The following MARS1 variants were observed in gnomAD, a reference collection of about 807,000 sequenced individuals.
The protein encoded by MARS1 is methionine--tRNA ligase, cytoplasmic.
MARS1 carries 80 observed loss-of-function variants against 119.5 expected under a neutral mutation model. That is an observed-to-expected ratio of 0.67 (90% confidence interval 0.56 to 0.81). The LOEUF is 0.81. MARS1 is among the 30% of genes least tolerant of loss of function. The probability of loss-of-function intolerance (pLI) is 0.00; values close to 1 mark genes in which losing one functional copy is unlikely to be tolerated. For missense variants in MARS1, 945 were observed against 1,116.5 expected, an observed-to-expected ratio of 0.85 and a Z score of 2.19; for synonymous variants, 418 against 433.4, an observed-to-expected ratio of 0.96 and a Z score of 0.44.
At chr12:57,509,931 AT>A (rs1174290628) in intron 11 of MARS1, among the ~76,000 whole-genome samples, 1 of 152,222 alleles carries the variant, frequency 6.6e-6, no homozygotes, top group Non-Finnish European at 1.5e-5. Context: ...TACAAAAAAA[AT>A]AACCTATTAA....
At chr12:57,494,410 C>T (rs1594815185) in intron 7 of MARS1, among the ~76,000 whole-genome samples, 1 of 148,810 alleles carries the variant, frequency 6.7e-6, no homozygotes, top group South Asian at 2.1e-4. Flanking sequence ...TCACTGCAAC[C>T]TCTGCCTCCC....
At chr12:57,496,319 A>G (rs1240719500) in intron 7 of MARS1, among the ~76,000 whole-genome samples, 1 of 150,556 alleles carries the variant, frequency 6.6e-6, no homozygotes, top group Non-Finnish European at 1.5e-5. Flanking sequence ...ACGCACCACC[A>G]GGCCCGGCTA....
chr12:57,493,481 TAATATATAATATATTATAATATATAATA>T lies in MARS1; in HGVS notation c.770+2838_770+2865del, dbSNP rs1876177215. Among the ~76,000 whole-genome samples the T allele has an allele frequency of 1.4e-3, 13 of 9,316 alleles. 4 individuals carry two copies. The highest frequency in any genetic ancestry group is 4.6e-3 in the African/African-American group (13 of 2,856). The allele number at this position is 9,316 out of a possible 152,430, so 6.1% of individuals were successfully genotyped here. A position where few individuals can be genotyped will look rare whatever the true frequency, so the allele number is the denominator to read the frequency against. On this transcript the variant is annotated intron_variant, in intron 7 of 20. Coordinates refer to ENST00000262027, the MANE Select transcript of MARS1 (RefSeq NM_004990.4). ...ATTATAATATATAATATATAATATATAATATATAATATATTATAATATATAATATATAATATATAATATATTATAATAT... is the reference window on the plus strand; with the variant it reads ...ATTATAATATATAATATATAATATATTATAATATATAATATATTATAATAT...
At chr12:57,512,597 C>G in intron 14 of MARS1, 154 bp from the exon 15 acceptor site, 1 of 673,002 alleles carries the variant, frequency 1.5e-6, no homozygotes, top group Non-Finnish European at 2.6e-6. Flanking sequence ...TAGGAAGGGA[C>G]TCCCAAAATC....
Position 57,514,716 on chromosome 12 carries a change from CAA to C in MARS1, c.1968-3_1968-2del, listed in dbSNP as rs1350473563. 1 of 1,613,958 alleles carries C rather than the reference CAA, an allele frequency of 6.2e-7. No individual in the cohort carries two copies. The highest frequency in any genetic ancestry group is 1.3e-5 in the African/African-American group (1 of 74,928). On this transcript the variant is annotated splice_acceptor_variant and splice_polypyrimidine_tract_variant and intron_variant, in intron 15 of 20. Transcript: ENST00000262027. LOFTEE classifies it high-confidence loss of function. ...CCACTTCTGCTTTCCTACTCCCAAC[CAA>C]GAGCTGGGATGTTTGTGTCTAAGTT...
Position 57,490,374 on chromosome 12 carries a change from C to T in MARS1, c.658C>T (p.Pro220Ser), listed in dbSNP as rs1875839805. 2 of 1,612,296 alleles carry T rather than the reference C, an allele frequency of 1.2e-6. No individual in the cohort carries two copies. The highest frequency in any genetic ancestry group is 2.2e-5 in the South Asian group (2 of 91,000). ...PAEGRAVTNE[P>S]EEEELATLSE... is the part of the protein sequence containing the mutation. ...TGAGGGAAGGGCTGTCACCAATGAG[C>T]CTGAGGTTTGGAATAGGGCAGAGCC... is the stretch of plus-strand genomic sequence containing the variant. Residue 220 changes from proline (P) to serine (S), a missense_variant, in exon 6 of 21, where the codon CCT becomes TCT. Physicochemically the swap from Pro to Ser is moderately conservative, Grantham distance 74. Coordinates refer to ENST00000262027, the MANE Select transcript of MARS1 (RefSeq NM_004990.4).
At chr12:57,490,874 CCTTT>C (rs1875909916) in intron 7 of MARS1, among the ~76,000 whole-genome samples, 2 of 120,994 alleles carry the variant, frequency 1.7e-5, no homozygotes, top group South Asian at 2.5e-4. Context: ...TCTTGTCTAT[CCTTT>C]TTTTTTTTTT....
chr12:57,489,692 T>G, intron 4 of MARS1, 134 bp downstream of exon 4: 1 of 1,310,920 alleles, frequency 7.6e-7, no homozygotes, highest in Non-Finnish European at 1.1e-6. Context: ...ACTTAATCTC[T>G]CTAATCCTCA....
intron 5 of MARS1, 53 bp from the exon 6 acceptor site, chr12:57,490,154 C>G: frequency 6.4e-7 from 1 of 1,571,986 alleles, no homozygotes; most frequent in South Asian, 1.1e-5. Flanking sequence ...GATGCCCGCT[C>G]CTGCCTACCA....
intron 7 of MARS1, among the ~76,000 whole-genome samples, chr12:57,490,918 C>A (rs1429134289): frequency 6.9e-6 from 1 of 145,006 alleles, no homozygotes; most frequent in Non-Finnish European, 1.5e-5. Context: ...CTCTTGTTGC[C>A]CAGGCTGGAG....
rs202096486 is a variant in MARS1 at position 57,498,261 on chromosome 12, A to G, written c.875A>G (p.Asp292Gly). The G allele has an allele frequency of 1.2e-6, 2 of 1,613,888 alleles. No homozygotes were observed. Among genetic ancestry groups the G allele is most frequent in the Admixed American group, 1.7e-5 (1 of 59,992 alleles). The stretch of plus-strand genomic sequence containing the variant: ...ATCATTGGTTGTGTGCTCAGTGCCG[A>G]TGTCTTTGCCAGGTGGAGCCAGCTG... ...GNIIGCVLSADVFARYSRLRQ... is the reference protein window; with the variant it reads ...GNIIGCVLSAGVFARYSRLRQ... Residue 292 changes from aspartate (D) to glycine (G), a missense_variant, in exon 8 of 21, where the codon GAT becomes GGT. By Grantham distance (94) the Asp-to-Gly change is moderately conservative (BLOSUM62 -1). Transcript: ENST00000262027.
Position 57,498,441 on chromosome 12 carries a change from GAAC to G in MARS1, c.911_913del (p.Asn304del). 6.2e-7 allele frequency: 1 copy of G among 1,613,980 alleles called. No individual in the cohort carries two copies. The highest frequency in any genetic ancestry group is 8.5e-7 in the Non-Finnish European group (1 of 1,180,000). On this transcript the variant is annotated inframe_deletion, in exon 9 of 21. Transcript: ENST00000262027. ...GCAGGTACTCTCGCCTCCGCCAGTG[GAAC>G]ACCCTCTATCTGTGTGGGACAGATG...
rs1266838841 is a variant in MARS1 at position 57,514,811 on chromosome 12, C to T, written c.2059C>T (p.Leu687=). 5.0e-6 allele frequency: 8 copies of T among 1,614,220 alleles called. No homozygotes were observed. The highest frequency in any genetic ancestry group is 6.8e-6 in the Non-Finnish European group (8 of 1,180,036). ...DDQRLLAHVT[L]ELQHYHQLLE... Reference sequence around the variant, plus strand: ...TCAGCGCCTGCTGGCCCATGTCACCCTGGAGCTCCAGCACTATCACCAGCT... The same window carrying T: ...TCAGCGCCTGCTGGCCCATGTCACCTTGGAGCTCCAGCACTATCACCAGCT... Residue 687 remains leucine (L), a synonymous_variant, in exon 16 of 21, where the codon CTG becomes TTG. Transcript: ENST00000262027.
At position 57,512,833 on chromosome 12, in the gene MARS1, C is replaced by A. The variant is rs774396490; in HGVS notation, c.1836C>A (p.Ile612=). 2 of 1,614,250 alleles carry A rather than the reference C, an allele frequency of 1.2e-6. No homozygotes were observed. The highest frequency in any genetic ancestry group is 2.2e-5 in the South Asian group (2 of 91,088). ...VFGDMAQDTG[I]PADIWRFYLL... is the part of the protein sequence containing the mutation. Reference sequence around the variant, plus strand: ...GGGACATGGCCCAGGACACGGGGATCCCTGCTGACATCTGGCGCTTCTATC... The same window carrying A: ...GGGACATGGCCCAGGACACGGGGATACCTGCTGACATCTGGCGCTTCTATC... Residue 612 remains isoleucine (I), a synonymous_variant, in exon 15 of 21, where the codon ATC becomes ATA. Coordinates refer to ENST00000262027, the MANE Select transcript of MARS1 (RefSeq NM_004990.4).
At chr12:57,493,724 T>A (rs1379393603) in intron 7 of MARS1, among the ~76,000 whole-genome samples, 1 of 5,598 alleles carries the variant, frequency 1.8e-4, no homozygotes, top group African/African-American at 9.0e-4. Context: ...ATATTATATA[T>A]TATATTATAT....
chr12:57,491,221 C>T (rs879289552), intron 7 of MARS1, among the ~76,000 whole-genome samples: 3 of 152,130 alleles, frequency 2.0e-5, no homozygotes, highest in African/African-American at 4.8e-5. Flanking sequence ...GGAGCTAACT[C>T]TATTTTTCCA....
chr12:57,495,177 C>T (rs547795247), intron 7 of MARS1, among the ~76,000 whole-genome samples: 2 of 149,176 alleles, frequency 1.3e-5, no homozygotes, highest in South Asian at 2.1e-4. Context: ...GCGGGGGCTG[C>T]CCCCCACCTC....
At chr12:57,501,848 T>C (rs1876932083) in intron 10 of MARS1, among the ~76,000 whole-genome samples, 1 of 147,406 alleles carries the variant, frequency 6.8e-6, no homozygotes, top group South Asian at 2.1e-4. Context: ...ACAAAAATTA[T>C]CCAGGCCGTG....
At chr12:57,507,474 C>T (rs1299769618) in intron 11 of MARS1, among the ~76,000 whole-genome samples, 4 of 50,708 alleles carry the variant, frequency 7.9e-5, no homozygotes, top group East Asian at 5.2e-4. Context: ...GCTGGCCGGG[C>T]GGGGGGCTGA....
Sources: gnomAD v4.1 joint callset for allele counts (sites outside exome capture counted in the v4.1 genomes callset) on GRCh38, gnomAD v4.1.1 for gene constraint, MANE v1.5 for transcripts, NCBI Gene and HGNC (gene_info 2026-07-23, HGNC 2026-07-21) for gene names.